Variants in CRB1 observed in about 807,000 individuals in gnomAD.
CRB1 encodes protein crumbs homolog 1.
A neutral mutation model predicts 120.0 loss-of-function variants in CRB1; 83 were observed. The observed-to-expected ratio is 0.69, with a 90% CI of 0.58 to 0.83. The LOEUF (loss-of-function observed/expected upper bound fraction) is 0.83. CRB1 is among the 40% of genes least tolerant of loss of function. CRB1 has a pLI of 0.00. For missense variants in CRB1, 1,699 were observed against 1,687.6 expected (o/e 1.01, Z -0.12); for synonymous variants, 625 against 612.5 (o/e 1.02, Z -0.30).
chr1:197,220,539 C>T, the CRB1 span, among the ~76,000 whole-genome samples: 19 of 152,160 alleles, frequency 1.2e-4, no homozygotes, highest in Non-Finnish European at 2.8e-4. Flanking sequence ...CTTTAGGGAG[C>T]AAAGGTAACT....
rs141003844 is a variant in CRB1, at chr1:197,447,756, A to G, written c.4005+5464A>G. 1.7e-4 allele frequency among the ~76,000 whole-genome samples: 26 copies of G among 150,084 alleles called. No homozygotes were observed. The East Asian group carries it at 4.7e-3, about 27-fold the overall frequency. On this transcript the variant is annotated intron_variant, in intron 11 of 11. Coordinates refer to ENST00000367400, the MANE Select transcript of CRB1 (RefSeq NM_201253.3). ...CCCAGCTACTAAGGAGGCTGAGGCT[A>G]GGTGGGAAGATCACCTGAGCCTGGG...
At chr1:197,462,031 T>C (rs1005493086) in intron 11 of CRB1, among the ~76,000 whole-genome samples, 5 of 152,164 alleles carry the variant, frequency 3.3e-5, no homozygotes, top group Admixed American at 1.3e-4. Context: ...GCGGAGGACA[T>C]GCCTATTAGA....
chr1:197,348,074 C>T (rs929917310), intron 4 of CRB1, among the ~76,000 whole-genome samples: 1 of 152,194 alleles, frequency 6.6e-6, no homozygotes, highest in African/African-American at 2.4e-5. Flanking sequence ...TGACATACAG[C>T]TTTGCATTGC....
Position 197,421,043 on chromosome 1 carries a change from T to C in CRB1, c.1215T>C (p.Pro405=). 1.9e-6 allele frequency: 3 copies of C among 1,614,180 alleles called. No individual in the cohort carries two copies. The highest frequency in any genetic ancestry group is 2.5e-6 in the Non-Finnish European group (3 of 1,179,978). Reference sequence around the variant, plus strand: ...ACGTCAATGAATGTTCTTCAAACCCTTGCCAAAATGGTGGTACTTGTGAGA... The same window carrying C: ...ACGTCAATGAATGTTCTTCAAACCCCTGCCAAAATGGTGGTACTTGTGAGA... ...EEDVNECSSN[P]CQNGGTCENL... The change falls in exon 6 of 12, where the codon CCT becomes CCC. Residue 405 remains proline, a synonymous_variant. Transcript: ENST00000367400.
At chr1:197,398,261 C>T (rs917995727) in intron 5 of CRB1, among the ~76,000 whole-genome samples, 2 of 152,182 alleles carry the variant, frequency 1.3e-5, no homozygotes, top group Non-Finnish European at 1.5e-5. Flanking sequence ...CCTCAACCCC[C>T]TAAATATTGG....
the CRB1 span, among the ~76,000 whole-genome samples, chr1:197,249,391 G>A: frequency 8.6e-5 from 13 of 151,914 alleles, no homozygotes; most frequent in South Asian, 2.1e-4. Flanking sequence ...ATATAAACCC[G>A]TTCATTTTGA....
At chr1:197,438,477 T>C in intron 9 of CRB1, 70 bp from the exon 10 acceptor site, 1 of 1,590,516 alleles carries the variant, frequency 6.3e-7, no homozygotes, top group East Asian at 2.3e-5. Flanking sequence ...ATACATGAAT[T>C]TATCAGAAAA....
the CRB1 span, among the ~76,000 whole-genome samples, chr1:197,216,065 T>C: frequency 6.6e-6 from 1 of 152,210 alleles, no homozygotes; most frequent in African/African-American, 2.4e-5. Flanking sequence ...AACAGCATGC[T>C]CTTTTGCCTC....
the CRB1 span, among the ~76,000 whole-genome samples, chr1:197,260,576 A>C: frequency 6.6e-6 from 1 of 152,146 alleles, no homozygotes; most frequent in Non-Finnish European, 1.5e-5. Flanking sequence ...TCAAAATCAA[A>C]TAGATAAAGA....
At chr1:197,394,266 C>A (rs1469030667) in intron 5 of CRB1, among the ~76,000 whole-genome samples, 1 of 152,012 alleles carries the variant, frequency 6.6e-6, no homozygotes, top group Non-Finnish European at 1.5e-5. Context: ...TTGTCTCTTC[C>A]TTATGATTTT....
the CRB1 span, among the ~76,000 whole-genome samples, chr1:197,229,996 C>T: frequency 1.3e-5 from 2 of 152,160 alleles, no homozygotes; most frequent in African/African-American, 4.8e-5. Flanking sequence ...ATAATGCTAT[C>T]TTCTATAGCA....
chr1:197,372,090 G>A (rs548966263), intron 5 of CRB1, among the ~76,000 whole-genome samples: 1 of 152,212 alleles, frequency 6.6e-6, no homozygotes. Context: ...CAGAGACTGG[G>A]ATTAAATCTG....
chr1:197,308,910 GTA>G (rs1364786759), intron 1 of CRB1, among the ~76,000 whole-genome samples: 8 of 149,602 alleles, frequency 5.3e-5, no homozygotes, highest in African/African-American at 1.5e-4. Context: ...ATATATGTGG[GTA>G]TATATATGTG....
Position 197,434,774 on chromosome 1 carries a change from A to G in CRB1, c.2911A>G (p.Arg971Gly). The change falls in exon 9 of 12, where the codon AGA (arginine) becomes GGA (glycine). Residue 971 changes from arginine to glycine, a missense_variant. By Grantham distance (125) the Arg-to-Gly change is moderately radical. Transcript: ENST00000367400. ...ATTCAGAAGCAATGGGAATATTACCAGAGAACTCACCAATATCACATTTGG... is the reference window on the plus strand; with the variant it reads ...ATTCAGAAGCAATGGGAATATTACCGGAGAACTCACCAATATCACATTTGG... ...ILFRSNGNIT[R>G]ELTNITFGFR... The G allele has an allele frequency of 1.2e-6, 2 of 1,613,772 alleles. No homozygotes were observed. Among genetic ancestry groups the G allele is most frequent in the Admixed American group, 1.7e-5 (1 of 59,978 alleles).
chr1:197,429,051 C>A, intron 7 of CRB1: 2 of 1,492,652 alleles, frequency 1.3e-6, no homozygotes, highest in Non-Finnish European at 9.0e-7. Context: ...TGTTTCGCTT[C>A]TGTGTAGGAT....
intron 5 of CRB1, among the ~76,000 whole-genome samples, chr1:197,400,149 T>C (rs1392025577): frequency 6.6e-6 from 1 of 152,136 alleles, no homozygotes; most frequent in African/African-American, 2.4e-5. Flanking sequence ...ATATTATACA[T>C]GGCAAGTGCT....
chr1:197,330,274 C>A (rs192743493), intron 2 of CRB1, among the ~76,000 whole-genome samples: 54 of 152,266 alleles, frequency 3.5e-4, no homozygotes, highest in Middle Eastern at 6.8e-3. Context: ...TATTTCAACT[C>A]TTGTGTGTAC....
the CRB1 span, chr1:197,223,384 TTG>T: frequency 2.0e-6 from 1 of 496,088 alleles, no homozygotes. Flanking sequence ...CTTCTCTATT[TTG>T]TGTGTGCCTA....
intron 5 of CRB1, among the ~76,000 whole-genome samples, chr1:197,363,315 GTCTT>G (rs980800078): frequency 4.6e-5 from 7 of 151,770 alleles, no homozygotes; most frequent in African/African-American, 1.5e-4. Flanking sequence ...GGCCTCAAGA[GTCTT>G]TCTTTTTTTT....
Sources: gnomAD v4.1 joint callset for allele counts (sites outside exome capture counted in the v4.1 genomes callset) on GRCh38, gnomAD v4.1.1 for gene constraint, MANE v1.5 for transcripts, NCBI Gene and HGNC (gene_info 2026-07-23, HGNC 2026-07-21) for gene names.